KIF13A: variants seen among roughly 807,000 people sequenced by gnomAD.
KIF13A encodes the protein kinesin family member 13A.
KIF13A carries 79 observed loss-of-function variants against 212.2 expected under a neutral mutation model. The ratio of observed to expected loss-of-function variants is 0.37; its 90% CI spans 0.31 to 0.45. The LOEUF (loss-of-function observed/expected upper bound fraction) is 0.45. KIF13A is among the 20% of genes least tolerant of loss of function. The pLI, the probability that KIF13A is intolerant of heterozygous loss-of-function variation, is 1.00. For missense variants in KIF13A, 1,901 were observed against 2,209.0 expected (o/e 0.86, Z 2.79); for synonymous variants, 789 against 808.6 (o/e 0.98, Z 0.41).
In KIF13A at chr6:17,962,471, T is replaced by C. The variant is rs1052706473; in HGVS notation, c.146+24583A>G. Among the ~76,000 whole-genome samples, 5 of 151,950 alleles carry C rather than the reference T, an allele frequency of 3.3e-5. No individual in the cohort carries two copies. In the South Asian group the frequency reaches 6.3e-4, roughly 19 times the overall value. ...CGAGGAGAAAATTTGTGCAGGCAAG[T>C]AGCAACGGAGGGAACAGATGACACG... On this transcript the variant is annotated intron_variant, in intron 2 of 38. Coordinates refer to ENST00000259711, the MANE Select transcript of KIF13A (RefSeq NM_022113.6).
At chr6:17,796,854 C>T (rs369359329) in intron 22 of KIF13A, 34 bp from the exon 23 acceptor site, 277 of 1,395,400 alleles carry the variant, frequency 2.0e-4, no homozygotes, top group Middle Eastern at 3.8e-4. Flanking sequence ...AAGAATTATG[C>T]TTAAAGGAGT....
Position 17,849,718 on chromosome 6 carries a change from C to T in KIF13A, c.718-229G>A, listed in dbSNP as rs755887263. Among the ~76,000 whole-genome samples the T allele has an allele frequency of 2.0e-5, 3 of 152,190 alleles. No individual in the cohort carries two copies. The highest frequency in any genetic ancestry group is 4.4e-5 in the Non-Finnish European group (3 of 68,030). On this transcript the variant is annotated intron_variant, in intron 8 of 38. Transcript: ENST00000259711. This position sits in a 1 kb window ranked among gnomAD's most constrained non-coding sequence, Gnocchi z 5.7. ...TTGTTTTGCAGCTGGGTAGCAAGTA[C>T]ACCCAGCTTTCTGGAATACAGTCAG...
rs777548673 is a variant in KIF13A, at chr6:17,780,763, T to G, written c.3813A>C (p.Arg1271=). Residue 1271 remains arginine, a synonymous_variant, in exon 31 of 39, where the codon CGA becomes CGC. Transcript: ENST00000259711. Reference sequence around the variant, plus strand: ...TGTAAATATTGGCTGCAATTCGTTTTCGTAATACTAACTCCATAGCAGCAG... The same window carrying G: ...TGTAAATATTGGCTGCAATTCGTTTGCGTAATACTAACTCCATAGCAGCAG... ...SHPAAMELVL[R]KRIAANIYNK... is the part of the protein sequence containing the mutation. The G allele has an allele frequency of 6.0e-5, 97 of 1,613,942 alleles. 1 individual carries two copies. The South Asian group carries it at 7.5e-4, about 12-fold the overall frequency.
At chr6:17,974,273 T>C (rs1780078905) in intron 2 of KIF13A, among the ~76,000 whole-genome samples, 1 of 152,052 alleles carries the variant, frequency 6.6e-6, no homozygotes, top group Admixed American at 6.6e-5. Context: ...AGAGATGGGG[T>C]GTCACCATGT....
At chr6:17,975,676 G>C (rs1401952486) in intron 2 of KIF13A, among the ~76,000 whole-genome samples, 1 of 152,168 alleles carries the variant, frequency 6.6e-6, no homozygotes, top group African/African-American at 2.4e-5. Context: ...GGTCTGTTTT[G>C]ACAGGGCGCT....
intron 3 of KIF13A, among the ~76,000 whole-genome samples, chr6:17,877,102 T>C (rs1188332349): frequency 9.8e-6 from 1 of 102,000 alleles, no homozygotes; most frequent in African/African-American, 3.9e-5. Flanking sequence ...TTTTACATTA[T>C]AAAAGACTAG....
chr6:17,796,181 C>CTT (rs34144276), intron 23 of KIF13A, among the ~76,000 whole-genome samples: 6 of 141,468 alleles, frequency 4.2e-5, no homozygotes, highest in African/African-American at 7.8e-5. Flanking sequence ...AGCCTGTATT[C>CTT]TTTTTTTTTT....
rs373790517 is a variant in KIF13A at position 17,785,628 on chromosome 6, G to A, written c.3375C>T (p.Asp1125=). 1.5e-5 allele frequency: 24 copies of A among 1,604,786 alleles called. No individual in the cohort carries two copies. Among genetic ancestry groups the A allele is most frequent in the African/African-American group, 9.4e-5 (7 of 74,674 alleles). The stretch of plus-strand genomic sequence containing the variant: ...CAAGCTGGGCTTCCCGCTCCACATC[G>A]TCCTCTGTTTTCTCTGCAGAAAAAA... ...KVSNKTEKTE[D]DVEREAQLVE... is the part of the protein sequence containing the mutation. Residue 1125 remains aspartate, a synonymous_variant, in exon 28 of 39, where the codon GAC becomes GAT. Coordinates refer to ENST00000259711, the MANE Select transcript of KIF13A (RefSeq NM_022113.6). This position sits in a 1 kb window ranked among gnomAD's most constrained non-coding sequence, Gnocchi z 5.8.
intron 16 of KIF13A, among the ~76,000 whole-genome samples, chr6:17,820,113 C>G (rs1764304544): frequency 6.6e-6 from 1 of 152,120 alleles, no homozygotes; most frequent in Non-Finnish European, 1.5e-5. Context: ...GATCTCACCC[C>G]AAGGTTCCAT....
At position 17,764,356 on chromosome 6, in the gene KIF13A, T is replaced by G. The variant is rs1758755619; in HGVS notation, c.5172A>C (p.Glu1724Asp). 1 of 1,613,890 alleles carries G rather than the reference T, an allele frequency of 6.2e-7. No individual in the cohort carries two copies. Among genetic ancestry groups the G allele is most frequent in the Admixed American group, 1.7e-5 (1 of 59,990 alleles). Residue 1724 changes from glutamate (E) to aspartate (D), a missense_variant, in exon 39 of 39, where the codon GAA (glutamate) becomes GAC (aspartate). Around this residue, in one of 5 missense-constraint regions of KIF13A, gnomAD observed 687 missense variants for 759.1 expected, o/e 0.90. Coordinates refer to ENST00000259711, the MANE Select transcript of KIF13A (RefSeq NM_022113.6). This position sits in a 1 kb window ranked among gnomAD's most constrained non-coding sequence, Gnocchi z 5.1. ...GGTCTTCAAGGATGTTGGTGGTGTG[T>G]TCTACCGTCACCTCCCTGGGGCAGA... Reference protein sequence around the residue: ...RGFCPREVTVEHTTNILEDHS... With the variant: ...RGFCPREVTVDHTTNILEDHS...
rs892238689 is a variant in KIF13A, at chr6:17,918,622, C to T, written c.147-20442G>A. Among the ~76,000 whole-genome samples, 1 of 152,118 alleles carries T rather than the reference C, an allele frequency of 6.6e-6. No homozygotes were observed. Among genetic ancestry groups the T allele is most frequent in the African/African-American group, 2.4e-5 (1 of 41,432 alleles). ...AAATGGACCTTGTGTTTTCTTGGGG[C>T]TGCCTTCCTACAGGTAAGAGAAGTA... On this transcript the variant is annotated intron_variant, in intron 2 of 38. Transcript: ENST00000259711. The surrounding 1 kb of genome is among the most constrained non-coding windows in gnomAD (Gnocchi z 4.8).
rs1416415880 is a variant in KIF13A at position 17,871,146 on chromosome 6, C to T, written c.220+2231G>A. On this transcript the variant is annotated intron_variant, in intron 4 of 38. Transcript: ENST00000259711. This position sits in a 1 kb window ranked among gnomAD's most constrained non-coding sequence, Gnocchi z 4.4. ...AAACTCTAAACAACTCATATGTTGA[C>T]AAGTAATAATCATATATATTTATGG... 6.6e-6 allele frequency among the ~76,000 whole-genome samples: 1 copy of T among 152,108 alleles called. No homozygotes were observed. Among genetic ancestry groups the T allele is most frequent in the East Asian group, 1.9e-4 (1 of 5,192 alleles).
chr6:17,933,666 G>GA (rs1368296037), intron 2 of KIF13A, among the ~76,000 whole-genome samples: 1 of 151,996 alleles, frequency 6.6e-6, no homozygotes, highest in Non-Finnish European at 1.5e-5. Flanking sequence ...CCTGACACGG[G>GA]AAAAATATTA....
intron 2 of KIF13A, among the ~76,000 whole-genome samples, chr6:17,955,800 T>G (rs1236072473): frequency 1.3e-5 from 2 of 152,228 alleles, no homozygotes; most frequent in African/African-American, 4.8e-5. Context: ...GTAGTTTGTT[T>G]CCATGCATTA....
At chr6:17,864,118 G>A (rs956024958) in intron 4 of KIF13A, among the ~76,000 whole-genome samples, 9 of 152,324 alleles carry the variant, frequency 5.9e-5, no homozygotes, top group Non-Finnish European at 1.2e-4. Flanking sequence ...GGATCTATGA[G>A]TATTTGTTTC....
In KIF13A at chr6:17,789,002, C is replaced by A. The variant is rs913820755; in HGVS notation, c.3261+870G>T. Reference sequence around the variant, plus strand: ...CCTCCCAAAGTGCTGGGATTACAGGCGTGAGCCACCACGCCCAGCCACTGT... The same window carrying A: ...CCTCCCAAAGTGCTGGGATTACAGGAGTGAGCCACCACGCCCAGCCACTGT... On this transcript the variant is annotated intron_variant, in intron 26 of 38. Transcript: ENST00000259711. The surrounding 1 kb of genome is among the most constrained non-coding windows in gnomAD (Gnocchi z 4.8). Among the ~76,000 whole-genome samples the A allele has an allele frequency of 2.6e-5, 4 of 152,156 alleles. No individual in the cohort carries two copies. The highest frequency in any genetic ancestry group is 6.5e-5 in the Admixed American group (1 of 15,268).
intron 2 of KIF13A, among the ~76,000 whole-genome samples, chr6:17,939,472 C>A (rs1210101844): frequency 6.6e-6 from 1 of 152,208 alleles, no homozygotes; most frequent in African/African-American, 2.4e-5. Flanking sequence ...TCTGACCATT[C>A]TGTCGGAGGC....
intron 2 of KIF13A, among the ~76,000 whole-genome samples, chr6:17,910,848 C>T (rs7760968): frequency 5.9e-4 from 90 of 152,142 alleles, no homozygotes; most frequent in African/African-American, 1.9e-3. Context: ...CTGCAAGCTC[C>T]GCCTCCTGGG....
At chr6:17,935,908 A>C (rs1017407983) in intron 2 of KIF13A, among the ~76,000 whole-genome samples, 7 of 152,212 alleles carry the variant, frequency 4.6e-5, no homozygotes, top group Non-Finnish European at 8.8e-5. Flanking sequence ...TCTTAAAGCC[A>C]TATTTCCTCT....
Sources: gnomAD v4.1 joint callset for allele counts (sites outside exome capture counted in the v4.1 genomes callset) on GRCh38, gnomAD v4.1.1 for gene constraint, gnomAD v4.1.1 regional missense constraint, Gnocchi (gnomAD v3.1) non-coding constraint, MANE v1.5 for transcripts, NCBI Gene and HGNC (gene_info 2026-07-23, HGNC 2026-07-21) for gene names.